PRKCE: variants seen among roughly 807,000 people sequenced by gnomAD.
PRKCE encodes protein kinase C epsilon type.
A neutral mutation model predicts 85.4 loss-of-function variants in PRKCE; 16 were observed. The ratio of observed to expected loss-of-function variants is 0.19; its 90% CI spans 0.13 to 0.28. The LOEUF (loss-of-function observed/expected upper bound fraction) is 0.28. Among genes scored for constraint, PRKCE ranks in the 10% least tolerant of loss-of-function variants. The probability of loss-of-function intolerance (pLI) is 1.00; values close to 1 mark genes in which losing one functional copy is unlikely to be tolerated. For missense variants in PRKCE, 573 were observed against 975.2 expected, an observed-to-expected ratio of 0.59 and a Z score of 5.49; for synonymous variants, 388 against 371.5, an observed-to-expected ratio of 1.04 and a Z score of -0.51.
chr2:46,152,165 A>G (rs1295533771), intron 13 of PRKCE, among the ~76,000 whole-genome samples: 1 of 152,058 alleles, frequency 6.6e-6, no homozygotes, highest in East Asian at 1.9e-4. Context: ...TTACCTGATT[A>G]TATGTATTTT....
intron 1 of PRKCE, among the ~76,000 whole-genome samples, chr2:45,664,308 C>A (rs749575192): frequency 6.6e-6 from 1 of 152,174 alleles, no homozygotes; most frequent in African/African-American, 2.4e-5. Flanking sequence ...GTTTTGGCTG[C>A]ATATTGGACA....
At chr2:45,769,029 GGCA>G (rs1476834653) in intron 1 of PRKCE, among the ~76,000 whole-genome samples, 1 of 152,208 alleles carries the variant, frequency 6.6e-6, no homozygotes, top group Non-Finnish European at 1.5e-5. Flanking sequence ...GGGCCATTTT[GGCA>G]GCAGAGCTGT....
At chr2:46,154,452 G>GCCCCACCCCC (rs1676992474) in intron 13 of PRKCE, among the ~76,000 whole-genome samples, 2 of 76,272 alleles carry the variant, frequency 2.6e-5, no homozygotes, top group Non-Finnish European at 5.6e-5. Context: ...TCCCCACCCC[G>GCCCCACCCCC]CCCCACCCCC....
chr2:45,968,146 T>C (rs1701857296), intron 2 of PRKCE, among the ~76,000 whole-genome samples: 1 of 152,196 alleles, frequency 6.6e-6, no homozygotes, highest in Non-Finnish European at 1.5e-5. Flanking sequence ...CATCCAGGCA[T>C]ACGTCTGTGT....
intron 11 of PRKCE, among the ~76,000 whole-genome samples, chr2:46,125,820 A>G (rs974632331): frequency 6.6e-6 from 1 of 152,264 alleles, no homozygotes; most frequent in East Asian, 1.9e-4. Flanking sequence ...ATAAGCATGA[A>G]AATCAAAGTC....
intron 1 of PRKCE, among the ~76,000 whole-genome samples, chr2:45,744,469 C>CTTTTTCTTTCTTTCT (rs758790383): frequency 4.7e-4 from 24 of 50,776 alleles, no homozygotes; most frequent in African/African-American, 2.1e-3. Flanking sequence ...TTCTTTCTTT[C>CTTTTTCTTTCTTTCT]TTTCTTTCTT....
chr2:45,948,479 A>T (rs1369257459), intron 2 of PRKCE, among the ~76,000 whole-genome samples: 2 of 152,110 alleles, frequency 1.3e-5, no homozygotes. Flanking sequence ...GTCTCTAAAA[A>T]ATATTTAAAA....
intron 1 of PRKCE, among the ~76,000 whole-genome samples, chr2:45,839,032 G>A (rs1691127869): frequency 6.6e-6 from 1 of 152,076 alleles, no homozygotes; most frequent in African/African-American, 2.4e-5. Context: ...CAAGCAGGCT[G>A]AGGCATACAG....
intron 2 of PRKCE, among the ~76,000 whole-genome samples, chr2:45,919,902 A>T (rs1478169631): frequency 2.6e-5 from 4 of 152,218 alleles, no homozygotes; most frequent in Non-Finnish European, 4.4e-5. Context: ...GCCAGTGTTC[A>T]CTAGGTGTGG....
At chr2:46,048,381 T>C (rs1708654051) in intron 10 of PRKCE, among the ~76,000 whole-genome samples, 1 of 152,206 alleles carries the variant, frequency 6.6e-6, no homozygotes, top group South Asian at 2.1e-4. Context: ...CCTATCTTCA[T>C]GTTCTTTTGT....
chr2:45,897,879 G>T (rs1482587931), intron 2 of PRKCE, among the ~76,000 whole-genome samples: 3 of 152,176 alleles, frequency 2.0e-5, no homozygotes, highest in African/African-American at 7.2e-5. Flanking sequence ...AATAATCACT[G>T]CTGACAAGGG....
chr2:45,796,936 T>G (rs1687483117), intron 1 of PRKCE, among the ~76,000 whole-genome samples: 1 of 152,204 alleles, frequency 6.6e-6, no homozygotes, highest in Non-Finnish European at 1.5e-5. Flanking sequence ...GATTTTTGTT[T>G]TTTAATGTTA....
intron 2 of PRKCE, among the ~76,000 whole-genome samples, chr2:45,866,945 C>G (rs1693665484): frequency 6.6e-6 from 1 of 152,244 alleles, no homozygotes; most frequent in East Asian, 1.9e-4. Context: ...TATTGTCTAC[C>G]TTCATATGTC....
At chr2:45,996,640 A>T (rs1245077420) in intron 6 of PRKCE, among the ~76,000 whole-genome samples, 1 of 151,974 alleles carries the variant, frequency 6.6e-6, no homozygotes, top group African/African-American at 2.4e-5. Flanking sequence ...TGATTACATT[A>T]GTTGATTTTT....
At chr2:45,679,984 G>C (rs1446330835) in intron 1 of PRKCE, among the ~76,000 whole-genome samples, 1 of 152,214 alleles carries the variant, frequency 6.6e-6, no homozygotes, top group Non-Finnish European at 1.5e-5. Context: ...TCTGGGAAGA[G>C]ATTTAGCACA....
chr2:46,134,934 T>G (rs972582904), intron 11 of PRKCE, among the ~76,000 whole-genome samples: 2 of 152,256 alleles, frequency 1.3e-5, no homozygotes, highest in Non-Finnish European at 2.9e-5. Flanking sequence ...GAATGTACTT[T>G]CATTATTGTG....
At chr2:45,737,874 AACC>A (rs1449198928) in intron 1 of PRKCE, among the ~76,000 whole-genome samples, 1 of 152,042 alleles carries the variant, frequency 6.6e-6, no homozygotes. Context: ...AGTTCAACAA[AACC>A]AGGAACAAAT....
At chr2:46,061,320 G>C (rs1667100333) in intron 10 of PRKCE, among the ~76,000 whole-genome samples, 1 of 151,902 alleles carries the variant, frequency 6.6e-6, no homozygotes, top group Admixed American at 6.6e-5. Flanking sequence ...ATGTTGCTCA[G>C]GCTGGTCTCA....
At chr2:46,061,251 A>T (rs921823250) in intron 10 of PRKCE, among the ~76,000 whole-genome samples, 1 of 151,588 alleles carries the variant, frequency 6.6e-6, no homozygotes, top group Non-Finnish European at 1.5e-5. Flanking sequence ...CTGGGACTAC[A>T]GGTGTGCCCC....
Sources: gnomAD v4.1 joint callset for allele counts (sites outside exome capture counted in the v4.1 genomes callset) on GRCh38, gnomAD v4.1.1 for gene constraint, MANE v1.5 for transcripts, NCBI Gene and HGNC (gene_info 2026-07-23, HGNC 2026-07-21) for gene names.